The following PLS3 variants were observed in gnomAD, a reference collection of about 807,000 sequenced individuals.
PLS3 encodes plastin 3.
A neutral mutation model predicts 46.5 loss-of-function variants in PLS3; 11 were observed. The ratio of observed to expected loss-of-function variants is 0.24; its 90% confidence interval spans 0.15 to 0.39. The LOEUF is 0.39. Ranked by LOEUF, PLS3 falls within the 10% of genes least tolerant of loss-of-function variation. The pLI is 1.00. For missense variants in PLS3, 308 were observed against 461.8 expected (o/e 0.67, Z 3.05); for synonymous variants, 167 against 162.2 (o/e 1.03, Z -0.22).
chrX:115,609,902 T>C (rs782063276), intron 1 of PLS3, among the ~76,000 whole-genome samples: 5 of 112,319 alleles, frequency 4.5e-5, no homozygotes, highest in African/African-American at 1.3e-4. Flanking sequence ...TCACATAATA[T>C]TGACCTTTAG....
chrX:115,647,213 T>A (rs1330654957), intron 13 of PLS3, among the ~76,000 whole-genome samples: 1 of 111,283 alleles, frequency 9.0e-6, no homozygotes, highest in African/African-American at 3.3e-5. Context: ...GGAGGGTGGA[T>A]CACGAGGTCA....
chrX:115,646,673 A>G, intron 13 of PLS3, 138 bp downstream of exon 13: 1 of 509,154 alleles, frequency 2.0e-6, no homozygotes, highest in Admixed American at 4.4e-5. Context: ...AATGAGTTTA[A>G]TTAATGAATA....
intron 1 of PLS3, among the ~76,000 whole-genome samples, chrX:115,599,509 A>G (rs2074421188): frequency 1.1e-5 from 1 of 94,105 alleles, no homozygotes; most frequent in East Asian, 3.2e-4. Context: ...CATCTCAGCA[A>G]GACTCTATCT....
intron 1 of PLS3, among the ~76,000 whole-genome samples, chrX:115,569,327 A>G (rs782712837): frequency 2.7e-5 from 3 of 111,684 alleles, no homozygotes; most frequent in East Asian, 5.7e-4. Context: ...ACTCAGTTCA[A>G]GTATACAAAG....
At chrX:115,611,341 G>A (rs191101900) in intron 2 of PLS3, among the ~76,000 whole-genome samples, 5 of 111,531 alleles carry the variant, frequency 4.5e-5, no homozygotes, top group African/African-American at 1.3e-4. Flanking sequence ...ACATGATCGC[G>A]CGCACGCGCG....
At chrX:115,636,707 G>A (rs187026449) in intron 7 of PLS3, 129 bp from the exon 8 acceptor site, 4 of 478,308 alleles carry the variant, frequency 8.4e-6, no homozygotes, top group African/African-American at 7.1e-5. Flanking sequence ...TGAGTATCTT[G>A]AAACTAGGAA....
At chrX:115,614,491 A>T (rs1556636532) in intron 2 of PLS3, 1 of 749,041 alleles carries the variant, frequency 1.3e-6, no homozygotes, top group African/African-American at 2.3e-5. Context: ...GCTGGAACTC[A>T]TTAAACTGCC....
chrX:115,588,569 C>T (rs1305456813), intron 1 of PLS3, among the ~76,000 whole-genome samples: 1 of 111,748 alleles, frequency 8.9e-6, no homozygotes, highest in Non-Finnish European at 1.9e-5. Flanking sequence ...GTTTCGTAGT[C>T]GCAATTTTTG....
chrX:115,589,887 G>A (rs1319203688), intron 1 of PLS3, among the ~76,000 whole-genome samples: 5 of 111,753 alleles, frequency 4.5e-5, no homozygotes, highest in Admixed American at 1.9e-4. Flanking sequence ...TTTTGAGATG[G>A]AGTCTCTGTG....
intron 1 of PLS3, among the ~76,000 whole-genome samples, chrX:115,568,072 A>G (rs782243966): frequency 1.8e-5 from 2 of 111,493 alleles, no homozygotes; most frequent in East Asian, 2.8e-4. Context: ...CTTTTTTTCT[A>G]TATTTCTTAA....
At chrX:115,639,009 C>T (rs189530859) in intron 8 of PLS3, among the ~76,000 whole-genome samples, 1 of 111,595 alleles carries the variant, frequency 9.0e-6, no homozygotes, top group African/African-American at 3.2e-5. Flanking sequence ...TCACCGCCCC[C>T]GGCCATCAAT....
chrX:115,637,015 A>G (rs377258532), intron 8 of PLS3, 37 bp downstream of exon 8: 27 of 1,149,958 alleles, frequency 2.3e-5, no homozygotes, highest in Non-Finnish European at 3.2e-5. Flanking sequence ...TTGGGGGGAT[A>G]TAATAGCTGG....
At chrX:115,612,446 A>C (rs782625572) in intron 2 of PLS3, among the ~76,000 whole-genome samples, 1 of 111,646 alleles carries the variant, frequency 9.0e-6, no homozygotes, top group Non-Finnish European at 1.9e-5. Flanking sequence ...AAGGTGTTAT[A>C]GAATTTTTTT....
intron 1 of PLS3, among the ~76,000 whole-genome samples, chrX:115,574,751 G>A (rs929687828): frequency 3.6e-5 from 4 of 111,314 alleles, no homozygotes; most frequent in Non-Finnish European, 7.5e-5. Context: ...GGCTAATTTT[G>A]TATTTTTAGT....
chrX:115,619,857 C>G (rs1244825269), intron 2 of PLS3, among the ~76,000 whole-genome samples: 2 of 111,569 alleles, frequency 1.8e-5, no homozygotes, highest in African/African-American at 6.5e-5. Context: ...CAAGAGAGAC[C>G]CTGTCTCAAA....
intron 3 of PLS3, among the ~76,000 whole-genome samples, chrX:115,627,821 A>T (rs1569528393): frequency 8.9e-6 from 1 of 112,226 alleles, no homozygotes; most frequent in Non-Finnish European, 1.9e-5. Context: ...CTAGCACAGA[A>T]TCACAGGTAT....
intron 9 of PLS3, among the ~76,000 whole-genome samples, chrX:115,641,502 C>CA (rs1296003660): frequency 9.0e-6 from 1 of 111,113 alleles, no homozygotes; most frequent in Non-Finnish European, 1.9e-5. Flanking sequence ...GCTGGGATTA[C>CA]AGGTGTGAGC....
Position 115,634,077 on chromosome X carries a change from T to G in PLS3, c.578T>G (p.Ile193Ser). Residue 193 changes from isoleucine (I) to serine (S), a missense_variant, in exon 6 of 16, where the codon ATT (isoleucine) becomes AGT (serine). By Grantham distance (142) the Ile-to-Ser change is moderately radical (BLOSUM62 -2). Coordinates refer to ENST00000355899, the MANE Select transcript of PLS3 (RefSeq NM_005032.7). ...INKKKLTPFI[I>S]QENLNLALNS... Reference sequence around the variant, plus strand: ...AAGAAGAAACTTACACCCTTCATCATTCAGGTATGCATTGTTCTCCCCTCC... The same window carrying G: ...AAGAAGAAACTTACACCCTTCATCAGTCAGGTATGCATTGTTCTCCCCTCC... 9.1e-7 allele frequency: 1 copy of G among 1,099,506 alleles called. No individual in the cohort carries two copies. Among genetic ancestry groups the G allele is most frequent in the South Asian group, 1.9e-5 (1 of 53,129 alleles). 90.6% of individuals were successfully genotyped at this position (1,099,506 alleles called of 1,213,427 possible). A position where few individuals can be genotyped will look rare whatever the true frequency, so the allele number is the denominator to read the frequency against.
intron 2 of PLS3, among the ~76,000 whole-genome samples, chrX:115,616,498 T>C (rs1156977985): frequency 8.9e-6 from 1 of 112,096 alleles, no homozygotes; most frequent in East Asian, 2.8e-4. Context: ...AGCATTTATG[T>C]TTATTTTTTA....
Sources: allele counts gnomAD v4.1 joint callset (sites outside exome capture counted in the v4.1 genomes callset), GRCh38; gene constraint gnomAD v4.1.1; transcripts MANE v1.5; gene names NCBI Gene and HGNC (gene_info 2026-07-23, HGNC 2026-07-21).